Variants in MAGI1 observed in about 807,000 individuals in gnomAD.
The protein encoded by MAGI1 is membrane-associated guanylate kinase, WW and PDZ domain-containing protein 1.
MAGI1 carries 58 observed loss-of-function variants against 139.9 expected under a neutral mutation model. The observed-to-expected ratio is 0.41, with a 90% CI of 0.34 to 0.52. MAGI1 has a LOEUF of 0.52. Among genes scored for constraint, MAGI1 ranks in the 20% least tolerant of loss-of-function variants. The pLI, the probability that MAGI1 is intolerant of heterozygous loss-of-function variation, is 0.12. For synonymous variants in MAGI1, 812 were observed against 737.9 expected, an observed-to-expected ratio of 1.10 and a Z score of -1.63; for missense variants, 1,874 against 1,901.6, an observed-to-expected ratio of 0.99 and a Z score of 0.27.
intron 12 of MAGI1, among the ~76,000 whole-genome samples, chr3:65,427,166 GC>G (rs569071657): frequency 9.2e-5 from 14 of 152,054 alleles, no homozygotes; most frequent in Non-Finnish European, 1.8e-4. Context: ...ACAAAAATCA[GC>G]CGGGAGTGGT....
chr3:65,986,679 T>C (rs2065897024), intron 1 of MAGI1, among the ~76,000 whole-genome samples: 1 of 152,172 alleles, frequency 6.6e-6, no homozygotes, highest in South Asian at 2.1e-4. Flanking sequence ...GTGTTTGAAA[T>C]GTCGTCTGGC....
At chr3:65,470,636 T>C in intron 4 of MAGI1, 152 bp from the exon 5 acceptor site, 1 of 533,800 alleles carries the variant, frequency 1.9e-6, no homozygotes, top group Non-Finnish European at 3.3e-6. Context: ...CCATTAACTA[T>C]TACTTCGATT....
intron 1 of MAGI1, among the ~76,000 whole-genome samples, chr3:65,997,566 G>T (rs1370361713): frequency 6.6e-6 from 1 of 152,164 alleles, no homozygotes; most frequent in African/African-American, 2.4e-5. Flanking sequence ...TGAGGCAGGA[G>T]AATGGCATGA....
intron 2 of MAGI1, among the ~76,000 whole-genome samples, chr3:65,596,054 A>C (rs1351654885): frequency 1.3e-5 from 2 of 152,204 alleles, no homozygotes; most frequent in East Asian, 3.9e-4. Flanking sequence ...CTTGTCGACG[A>C]GTTTCAGTGC....
At chr3:65,705,859 T>C (rs1417593687) in intron 1 of MAGI1, among the ~76,000 whole-genome samples, 1 of 152,226 alleles carries the variant, frequency 6.6e-6, no homozygotes, top group Non-Finnish European at 1.5e-5. Flanking sequence ...GAGAATCTAA[T>C]GGAGTGTTAG....
At chr3:65,431,447 T>C (rs1422511640) in intron 10 of MAGI1, among the ~76,000 whole-genome samples, 1 of 152,206 alleles carries the variant, frequency 6.6e-6, no homozygotes, top group Non-Finnish European at 1.5e-5. Flanking sequence ...GTCATTACTT[T>C]GAATTGAATT....
intron 12 of MAGI1, among the ~76,000 whole-genome samples, chr3:65,407,711 A>G (rs2107170243): frequency 6.6e-6 from 1 of 152,342 alleles, no homozygotes; most frequent in East Asian, 1.9e-4. Flanking sequence ...AAGGAAATGC[A>G]CTAAAATATT....
intron 1 of MAGI1, among the ~76,000 whole-genome samples, chr3:65,920,078 A>G (rs1161262478): frequency 6.6e-6 from 1 of 152,166 alleles, no homozygotes; most frequent in Non-Finnish European, 1.5e-5. Flanking sequence ...AACAAACCAC[A>G]TTTCTTGGCA....
At chr3:65,754,589 G>A (rs931984882) in intron 1 of MAGI1, among the ~76,000 whole-genome samples, 1 of 152,196 alleles carries the variant, frequency 6.6e-6, no homozygotes, top group Non-Finnish European at 1.5e-5. Flanking sequence ...CAAAGGCAAT[G>A]TCTTAAGGAA....
intron 2 of MAGI1, among the ~76,000 whole-genome samples, chr3:65,537,466 T>C (rs2079011779): frequency 6.6e-6 from 1 of 152,292 alleles, no homozygotes; most frequent in Admixed American, 6.5e-5. Flanking sequence ...ATTCATGTGT[T>C]TCTCCCCAAA....
intron 2 of MAGI1, among the ~76,000 whole-genome samples, chr3:65,499,860 G>A (rs540557891): frequency 2.2e-4 from 33 of 152,144 alleles, no homozygotes; most frequent in Non-Finnish European, 4.6e-4. Context: ...CTTCAGAAAT[G>A]GGAAGAGATG....
At chr3:65,471,449 G>C (rs898008642) in intron 4 of MAGI1, among the ~76,000 whole-genome samples, 1 of 152,156 alleles carries the variant, frequency 6.6e-6, no homozygotes, top group Non-Finnish European at 1.5e-5. Flanking sequence ...AGCTTTCTCT[G>C]ATGAGAAGCT....
intron 1 of MAGI1, among the ~76,000 whole-genome samples, chr3:65,761,865 A>G (rs1019284083): frequency 7.9e-5 from 12 of 152,214 alleles, no homozygotes; most frequent in Non-Finnish European, 4.4e-5. Context: ...AAAACACGTC[A>G]GGTGTGGGGA....
At chr3:65,475,367 C>T (rs1395410956) in intron 4 of MAGI1, among the ~76,000 whole-genome samples, 2 of 152,062 alleles carry the variant, frequency 1.3e-5, no homozygotes, top group African/African-American at 2.4e-5. Context: ...GCACCCACCA[C>T]CATACTCAGC....
intron 1 of MAGI1, among the ~76,000 whole-genome samples, chr3:65,834,672 G>A (rs1317998034): frequency 6.6e-6 from 1 of 152,186 alleles, no homozygotes; most frequent in Non-Finnish European, 1.5e-5. Context: ...TGAGAGAGGG[G>A]TTTTGATGTC....
At chr3:65,743,133 T>C (rs574960109) in intron 1 of MAGI1, among the ~76,000 whole-genome samples, 1 of 152,168 alleles carries the variant, frequency 6.6e-6, no homozygotes, top group East Asian at 1.9e-4. Context: ...TACCACATCA[T>C]CTCATTATCA....
chr3:65,834,491 G>C (rs546786305), intron 1 of MAGI1, among the ~76,000 whole-genome samples: 1 of 152,184 alleles, frequency 6.6e-6, no homozygotes, highest in South Asian at 2.1e-4. Flanking sequence ...TTGTGTTACT[G>C]CTCACGATAT....
chr3:65,412,182 T>C (rs533978387), intron 12 of MAGI1, among the ~76,000 whole-genome samples: 84 of 152,152 alleles, frequency 5.5e-4, no homozygotes, highest in Non-Finnish European at 1.0e-3. Flanking sequence ...TCCAGCCAGG[T>C]TGGCACCCTC....
intron 1 of MAGI1, among the ~76,000 whole-genome samples, chr3:65,921,012 G>C (rs930309511): frequency 6.6e-6 from 1 of 151,704 alleles, no homozygotes; most frequent in African/African-American, 2.4e-5. Context: ...CTGGGTGACA[G>C]AGCAAGGTTC....
Sources: allele counts gnomAD v4.1 joint callset (sites outside exome capture counted in the v4.1 genomes callset), GRCh38; gene constraint gnomAD v4.1.1; transcripts MANE v1.5; gene names NCBI Gene and HGNC (gene_info 2026-07-23, HGNC 2026-07-21).